The following PICK1 variants were observed in gnomAD, a reference collection of about 807,000 sequenced individuals.
The protein encoded by PICK1 is PRKCA-binding protein.
In PICK1, 23 loss-of-function variants were observed where a neutral mutation model predicts 48.9. That is an observed-to-expected ratio of 0.47 (90% CI 0.34 to 0.67). PICK1 has a LOEUF of 0.67. Among genes scored for constraint, PICK1 ranks in the 30% least tolerant of loss-of-function variants. PICK1 has a pLI of 0.01. For synonymous variants in PICK1, 217 were observed against 228.2 expected, an observed-to-expected ratio of 0.95 and a Z score of 0.44; for missense variants, 423 against 557.1, an observed-to-expected ratio of 0.76 and a Z score of 2.42.
chr22:38,074,933 C>T lies in PICK1; in HGVS notation c.1049C>T (p.Ala350Val). ...TMSKYYNDCY[A>V]VLRDADVFPI... Reference sequence around the variant, plus strand: ...TCCAAGTACTACAACGACTGCTACGCAGTGCTGCGGGATGCCGACGTCTTC... The same window carrying T: ...TCCAAGTACTACAACGACTGCTACGTAGTGCTGCGGGATGCCGACGTCTTC... The change falls in exon 13 of 13, where the codon GCA becomes GTA. Residue 350 changes from alanine to valine, a missense_variant. By Grantham distance (64) the Ala-to-Val change is moderately conservative. This residue lies in a region of PICK1 where 144 missense variants were observed against 139.3 expected (regional missense o/e 1.03). Transcript: ENST00000356976. This position sits in a 1 kb window ranked among gnomAD's most constrained non-coding sequence, Gnocchi z 4.5. 6.2e-7 allele frequency: 1 copy of T among 1,613,700 alleles called. No individual in the cohort carries two copies. The highest frequency in any genetic ancestry group is 8.5e-7 in the Non-Finnish European group (1 of 1,180,032).
chr22:38,072,356 C>A, intron 8 of PICK1, 121 bp from the exon 9 acceptor site: 1 of 1,168,280 alleles, frequency 8.6e-7, no homozygotes, highest in Non-Finnish European at 1.2e-6. Context: ...GGAGGTGTAG[C>A]CCCTGTGCAG....
At chr22:38,068,947 T>A in intron 5 of PICK1, 86 bp from the exon 6 acceptor site, 1 of 1,095,134 alleles carries the variant, frequency 9.1e-7, no homozygotes, top group Non-Finnish European at 1.4e-6. Flanking sequence ...CCCTGTGGGG[T>A]GCTCCCTGTG....
chr22:38,069,619 G>A (rs868037270), intron 6 of PICK1, among the ~76,000 whole-genome samples: 2 of 152,278 alleles, frequency 1.3e-5, no homozygotes, highest in South Asian at 2.1e-4. Flanking sequence ...CCCTCCTACC[G>A]TCGCCAGTCC....
rs2085786536 is a variant in PICK1 at position 38,074,541 on chromosome 22, C to G, written c.979+90C>G. 6.5e-7 allele frequency: 1 copy of G among 1,536,058 alleles called. No homozygotes were observed. Among genetic ancestry groups the G allele is most frequent in the East Asian group, 2.4e-5 (1 of 41,864 alleles). The stretch of plus-strand genomic sequence containing the variant: ...GGTACTCTCAGGGCCAGGCCACGGC[C>G]CAGATGTAAAGCCCCTCCAGGAGCC... On this transcript the variant is annotated intron_variant, in intron 12 of 12. Transcript: ENST00000356976. The surrounding 1 kb of genome is among the most constrained non-coding windows in gnomAD (Gnocchi z 4.5).
At position 38,074,451 on chromosome 22, in the gene PICK1, G is replaced by T. The variant is rs2085783002; in HGVS notation, c.979G>T (p.Val327Phe). 1.9e-6 allele frequency: 3 copies of T among 1,613,086 alleles called. No individual in the cohort carries two copies. The highest frequency in any genetic ancestry group is 2.5e-6 in the Non-Finnish European group (3 of 1,179,952). Residue 327 changes from valine to phenylalanine, a missense_variant and splice_region_variant, in exon 12 of 13, where the codon GTC becomes TTC. Val to Phe is a conservative substitution (Grantham distance 50). This residue lies in a region of PICK1 where 144 missense variants were observed against 139.3 expected (regional missense o/e 1.03). Coordinates refer to ENST00000356976, the MANE Select transcript of PICK1 (RefSeq NM_012407.4). This position sits in a 1 kb window ranked among gnomAD's most constrained non-coding sequence, Gnocchi z 4.5. ...EKMELLDQKH[V>F]QDIVFQLQRL... ...GATGGAGCTGCTGGACCAGAAGCACGGTGAGCGCCGCCCTCCTCCCCGTCC... is the reference window on the plus strand; with the variant it reads ...GATGGAGCTGCTGGACCAGAAGCACTGTGAGCGCCGCCCTCCTCCCCGTCC...
chr22:38,069,147 G>T, intron 6 of PICK1, 25 bp downstream of exon 6: 1 of 1,558,762 alleles, frequency 6.4e-7, no homozygotes, highest in Non-Finnish European at 8.7e-7. Flanking sequence ...ACCCAGCTGG[G>T]GCCCCGGGGA....
At chr22:38,062,227 G>C (rs1228388362) in intron 3 of PICK1, among the ~76,000 whole-genome samples, 1 of 145,612 alleles carries the variant, frequency 6.9e-6, no homozygotes, top group African/African-American at 2.5e-5. Flanking sequence ...TGTTTTCTCA[G>C]TATGTTTTCC....
In PICK1 at chr22:38,066,927, G is replaced by A. The variant is rs113320597; in HGVS notation, c.283-777G>A. ...ATTCCCTGATTCGCATCAGCCTTGC[G>A]GGGCTGGGGCTGCCCCTGCCCCTCC... On this transcript the variant is annotated intron_variant, in intron 4 of 12. Transcript: ENST00000356976. The surrounding 1 kb of genome is among the most constrained non-coding windows in gnomAD (Gnocchi z 4.1). Among the ~76,000 whole-genome samples, 1,203 of 152,294 alleles carry A rather than the reference G, an allele frequency of 7.9e-3. 28 individuals are homozygous for A. Among genetic ancestry groups the A allele is most frequent in the African/African-American group, 0.028 (1,144 of 41,568 alleles).
In PICK1 at chr22:38,074,300, G is replaced by A. The variant is rs1435091793; in HGVS notation, c.835-7G>A. The A allele has an allele frequency of 2.2e-6, 2 of 897,490 alleles. No individual in the cohort carries two copies. Among genetic ancestry groups the A allele is most frequent in the Non-Finnish European group, 3.5e-6 (2 of 574,786 alleles). The allele number at this position is 897,490 out of a possible 1,614,324, so 55.6% of individuals were successfully genotyped here. A position where few individuals can be genotyped will look rare whatever the true frequency, so the allele number is the denominator to read the frequency against. On this transcript the variant is annotated splice_polypyrimidine_tract_variant and splice_region_variant and intron_variant, in intron 11 of 12. Transcript: ENST00000356976. This position sits in a 1 kb window ranked among gnomAD's most constrained non-coding sequence, Gnocchi z 4.5. ...GAGCAGGCACTCCTGTCCCACCCCC[G>A]CCCCAGGCCCTAGGCGAGCCCCTTT...
At chr22:38,070,636 G>C (rs1314771456) in intron 6 of PICK1, among the ~76,000 whole-genome samples, 1 of 151,968 alleles carries the variant, frequency 6.6e-6, no homozygotes, top group Admixed American at 6.5e-5. Flanking sequence ...CGGACCCTCC[G>C]CTGGCCATGA....
chr22:38,072,546 A>G lies in PICK1; in HGVS notation c.626A>G (p.Lys209Arg). 6.2e-7 allele frequency: 1 copy of G among 1,613,570 alleles called. No individual in the cohort carries two copies. The highest frequency in any genetic ancestry group is 8.5e-7 in the Non-Finnish European group (1 of 1,180,040). The part of the protein sequence containing the change: ...PQPAASEAFV[K>R]FADAHRSIEK... ...CCAGCTGCGAGCGAGGCTTTTGTGA[A>G]GTTCGCCGATGCCCACCGCAGCATC... Residue 209 changes from lysine to arginine, a missense_variant, in exon 9 of 13, where the codon AAG (lysine) becomes AGG (arginine). Lys to Arg is a conservative substitution (Grantham distance 26, BLOSUM62 2). Around this residue, in one of 2 missense-constraint regions of PICK1, gnomAD observed 279 missense variants for 417.8 expected, o/e 0.67. Transcript: ENST00000356976.
intron 4 of PICK1, among the ~76,000 whole-genome samples, chr22:38,067,315 T>C (rs1454877552): frequency 6.8e-6 from 1 of 148,036 alleles, no homozygotes; most frequent in East Asian, 2.0e-4. Context: ...TTCTTTTTTT[T>C]TTTTTTTTTT....
Position 38,073,960 on chromosome 22 carries a change from C to A in PICK1, c.834+137C>A. On this transcript the variant is annotated intron_variant, in intron 11 of 12. Coordinates refer to ENST00000356976, the MANE Select transcript of PICK1 (RefSeq NM_012407.4). The surrounding 1 kb of genome is among the most constrained non-coding windows in gnomAD (Gnocchi z 5.7). ...GTTCCTGGAGATTTAGGGCCATCTT[C>A]CCAGTCCCGCTCGCTGGGCCTCGGG... 1.1e-6 allele frequency: 1 copy of A among 885,374 alleles called. No homozygotes were observed. Among genetic ancestry groups the A allele is most frequent in the Non-Finnish European group, 1.8e-6 (1 of 545,910 alleles). 54.8% of individuals were successfully genotyped at this position (885,374 alleles called of 1,614,324 possible).
chr22:38,058,195 C>T (rs762838936), intron 2 of PICK1: 36 of 364,670 alleles, frequency 9.9e-5, no homozygotes, highest in Non-Finnish European at 1.7e-4. Context: ...ATTGTAGACA[C>T]CCTTCCTTCC....
At chr22:38,060,709 A>C (rs2085378733) in intron 3 of PICK1, among the ~76,000 whole-genome samples, 1 of 151,398 alleles carries the variant, frequency 6.6e-6, no homozygotes, top group Non-Finnish European at 1.5e-5. Context: ...CTCAGGTGCA[A>C]GTTTGCTTAG....
chr22:38,069,517 AG>A (rs1424769836), intron 6 of PICK1, among the ~76,000 whole-genome samples: 1 of 152,032 alleles, frequency 6.6e-6, no homozygotes, highest in Non-Finnish European at 1.5e-5. Context: ...TGCGCAGGCG[AG>A]GGGGGAGGCG....
In PICK1 at chr22:38,073,209, C is replaced by G. The variant is rs962210718; in HGVS notation, c.783+117C>G. 11 of 767,766 alleles carry G rather than the reference C, an allele frequency of 1.4e-5. No individual in the cohort carries two copies. In the African/African-American group the frequency reaches 1.9e-4, roughly 13 times the overall value. The allele number at this position is 767,766 out of a possible 1,614,324, so 47.6% of individuals were successfully genotyped here. On this transcript the variant is annotated intron_variant, in intron 10 of 12. Coordinates refer to ENST00000356976, the MANE Select transcript of PICK1 (RefSeq NM_012407.4). This position sits in a 1 kb window ranked among gnomAD's most constrained non-coding sequence, Gnocchi z 5.7. ...AGCCAGAGCTGACAGCATGTCTGCT[C>G]CAGGTGTGGGCCCAGAGGCCCAGGG...
rs549488203 is a variant in PICK1 at position 38,070,333 on chromosome 22, G to C, written c.440-505G>C. 4.6e-5 allele frequency among the ~76,000 whole-genome samples: 7 copies of C among 152,356 alleles called. No individual in the cohort carries two copies. The East Asian group carries it at 1.3e-3, about 29-fold the overall frequency. On this transcript the variant is annotated intron_variant, in intron 6 of 12. Coordinates refer to ENST00000356976, the MANE Select transcript of PICK1 (RefSeq NM_012407.4). ...TTGAGAGCAAGACTTGGCTCAAAGT[G>C]AGCCTGACATGGTGGCTGGCACACA...
In PICK1 at chr22:38,073,205, T is replaced by G. The variant is rs900257632; in HGVS notation, c.783+113T>G. On this transcript the variant is annotated intron_variant, in intron 10 of 12. Coordinates refer to ENST00000356976, the MANE Select transcript of PICK1 (RefSeq NM_012407.4). This position sits in a 1 kb window ranked among gnomAD's most constrained non-coding sequence, Gnocchi z 5.7. ...GGCCAGCCAGAGCTGACAGCATGTC[T>G]GCTCCAGGTGTGGGCCCAGAGGCCC... 2 of 775,758 alleles carry G rather than the reference T, an allele frequency of 2.6e-6. No homozygotes were observed. Among genetic ancestry groups the G allele is most frequent in the African/African-American group, 1.7e-5 (1 of 58,610 alleles). 48.1% of individuals were successfully genotyped at this position (775,758 alleles called of 1,614,324 possible). A position where few individuals can be genotyped will look rare whatever the true frequency, so the allele number is the denominator to read the frequency against.
Sources: allele counts gnomAD v4.1 joint callset (sites outside exome capture counted in the v4.1 genomes callset), GRCh38; gene constraint gnomAD v4.1.1; regional missense constraint gnomAD v4.1.1; non-coding constraint Gnocchi (gnomAD v3.1); transcripts MANE v1.5; gene names NCBI Gene and HGNC (gene_info 2026-07-23, HGNC 2026-07-21).